The following AHI1 variants were observed in gnomAD, a reference collection of about 807,000 sequenced individuals.
AHI1 encodes the protein Abelson helper integration site 1.
Under a neutral mutation model 149.3 loss-of-function variants are expected in AHI1, and 123 were observed. The observed-to-expected ratio is 0.82, with a 90% CI of 0.71 to 0.96. The LOEUF is 0.96. Among genes scored for constraint, AHI1 ranks in the 40% least tolerant of loss-of-function variants. The pLI is 0.00. For missense variants in AHI1, 1,439 were observed against 1,422.7 expected, an observed-to-expected ratio of 1.01 and a Z score of -0.18; for synonymous variants, 475 against 459.8, an observed-to-expected ratio of 1.03 and a Z score of -0.42.
intron 6 of AHI1, among the ~76,000 whole-genome samples, chr6:135,467,203 C>A (rs971649004): frequency 6.6e-6 from 1 of 152,008 alleles, no homozygotes; most frequent in African/African-American, 2.4e-5. Flanking sequence ...AAACAACTAA[C>A]AAGGAAGAGA....
At chr6:135,362,404 T>G (rs1365398509) in intron 23 of AHI1, among the ~76,000 whole-genome samples, 1 of 152,186 alleles carries the variant, frequency 6.6e-6, no homozygotes, top group Non-Finnish European at 1.5e-5. Context: ...AAAACTGCAG[T>G]AACTTTTGCA....
intron 18 of AHI1, among the ~76,000 whole-genome samples, chr6:135,429,199 A>G (rs1784314347): frequency 1.3e-5 from 2 of 151,586 alleles, no homozygotes; most frequent in Admixed American, 1.3e-4. Context: ...TTGATCTCTG[A>G]AAAAAAATTA....
At chr6:135,344,196 ATTG>A (rs965190651) in intron 24 of AHI1, among the ~76,000 whole-genome samples, 1 of 151,866 alleles carries the variant, frequency 6.6e-6, no homozygotes, top group African/African-American at 2.4e-5. Context: ...TTATTTTCAA[ATTG>A]TTATTTTTTT....
intron 5 of AHI1, among the ~76,000 whole-genome samples, chr6:135,468,159 T>A (rs1791092272): frequency 1.3e-5 from 2 of 152,164 alleles, no homozygotes. Context: ...TAAAATATAT[T>A]TCCAAATTCT....
At chr6:135,335,949 C>T (rs1008858939) in intron 24 of AHI1, among the ~76,000 whole-genome samples, 24 of 151,700 alleles carry the variant, frequency 1.6e-4, no homozygotes, top group African/African-American at 5.1e-4. Context: ...CCCATCTCTA[C>T]TAAAAATAGA....
Position 135,394,844 on chromosome 6 carries a change from G to T in AHI1, c.3041C>A (p.Ser1014Tyr). 6.2e-7 allele frequency: 1 copy of T among 1,606,486 alleles called. No homozygotes were observed. Among genetic ancestry groups the T allele is most frequent in the South Asian group, 1.1e-5 (1 of 89,578 alleles). The change falls in exon 23 of 29, where the codon TCT becomes TAT. Residue 1014 changes from serine (S) to tyrosine (Y), a missense_variant. Coordinates refer to ENST00000265602, the MANE Select transcript of AHI1 (RefSeq NM_001134831.2). ...TSPPAVSSQQ[S>Y]KLKQSNMLTA... ...CAGCATGTTTGACTGCTTTAACTTAGACTGTTGTGAGGAAACTGCTGGTGG... is the reference window on the plus strand; with the variant it reads ...CAGCATGTTTGACTGCTTTAACTTATACTGTTGTGAGGAAACTGCTGGTGG...
chr6:135,300,125 G>A lies in AHI1; in HGVS notation c.3485+375C>T, dbSNP rs192710131. ...GGATCACCTGAGGTCAGGAGTTCAAGACCAGCCTGGCCAACATGGTGAAAC... is the reference window on the plus strand; with the variant it reads ...GGATCACCTGAGGTCAGGAGTTCAAAACCAGCCTGGCCAACATGGTGAAAC... On this transcript the variant is annotated intron_variant, in intron 27 of 28. Coordinates refer to ENST00000265602, the MANE Select transcript of AHI1 (RefSeq NM_001134831.2). 1.6e-3 allele frequency among the ~76,000 whole-genome samples: 247 copies of A among 152,164 alleles called. 2 individuals carry two copies. Among genetic ancestry groups the A allele is most frequent in the African/African-American group, 5.5e-3 (230 of 41,502 alleles).
intron 23 of AHI1, among the ~76,000 whole-genome samples, chr6:135,371,468 G>C (rs1775048338): frequency 6.6e-6 from 1 of 152,144 alleles, no homozygotes; most frequent in South Asian, 2.1e-4. Flanking sequence ...AATTTCACTA[G>C]AGTACGGCTG....
chr6:135,407,206 AC>A (rs1780917724), intron 21 of AHI1, among the ~76,000 whole-genome samples: 1 of 152,154 alleles, frequency 6.6e-6, no homozygotes, highest in Admixed American at 6.5e-5. Flanking sequence ...ACTCACACAT[AC>A]CCCACAAAAA....
At chr6:135,408,260 T>C (rs1390048061) in intron 21 of AHI1, among the ~76,000 whole-genome samples, 1 of 152,120 alleles carries the variant, frequency 6.6e-6, no homozygotes, top group East Asian at 1.9e-4. Context: ...TGCCTGTAGA[T>C]GAAGTTACTT....
chr6:135,373,354 AG>A (rs1204222197), intron 23 of AHI1, among the ~76,000 whole-genome samples: 1 of 152,210 alleles, frequency 6.6e-6, no homozygotes, highest in Non-Finnish European at 1.5e-5. Flanking sequence ...CATACCATAT[AG>A]CTTAGGTGTA....
At chr6:135,439,089 G>C (rs1040933584) in intron 14 of AHI1, among the ~76,000 whole-genome samples, 28 of 152,240 alleles carry the variant, frequency 1.8e-4, no homozygotes, top group African/African-American at 6.7e-4. Context: ...AAGTTTCCAA[G>C]TCTCTGCTTC....
chr6:135,497,422 G>T (rs1293139032), intron 1 of AHI1, among the ~76,000 whole-genome samples, 161 bp downstream of exon 1: 3 of 152,178 alleles, frequency 2.0e-5, no homozygotes, highest in Non-Finnish European at 4.4e-5. Flanking sequence ...CTCAGAAATC[G>T]CATTCCCCCG....
intron 23 of AHI1, among the ~76,000 whole-genome samples, chr6:135,375,466 TGAA>T (rs1293241431): frequency 1.3e-5 from 2 of 152,212 alleles, no homozygotes; most frequent in Non-Finnish European, 2.9e-5. Flanking sequence ...ATACGGTTTA[TGAA>T]GAAGAAGAGA....
intron 26 of AHI1, among the ~76,000 whole-genome samples, chr6:135,312,320 CT>C (rs1475328796): frequency 2.0e-5 from 3 of 152,014 alleles, no homozygotes; most frequent in African/African-American, 7.3e-5. Context: ...CGAGGCCAGC[CT>C]GGCCAAACTA....
intron 5 of AHI1, among the ~76,000 whole-genome samples, chr6:135,470,483 A>G (rs1277532905): frequency 6.6e-6 from 1 of 152,222 alleles, no homozygotes; most frequent in African/African-American, 2.4e-5. Flanking sequence ...CCAAAGGAAT[A>G]TATGTCATTC....
rs1781549212 is a variant in AHI1 at position 135,285,230 on chromosome 6, T to G, written c.*415A>C. 2 of 192,106 alleles carry G rather than the reference T, an allele frequency of 1.0e-5. No homozygotes were observed. Among genetic ancestry groups the G allele is most frequent in the African/African-American group, 4.9e-5 (2 of 40,428 alleles). 11.9% of individuals were successfully genotyped at this position (192,106 alleles called of 1,614,324 possible). On this transcript the variant is annotated 3_prime_UTR_variant, in exon 29 of 29. Transcript: ENST00000265602. ...AAACAGATACTTCATATTCTGGGCATAGCATCACACATACAACCATTACCA... is the reference window on the plus strand; with the variant it reads ...AAACAGATACTTCATATTCTGGGCAGAGCATCACACATACAACCATTACCA...
At chr6:135,304,092 AGTGGC>A (rs1222835844) in intron 26 of AHI1, among the ~76,000 whole-genome samples, 1 of 152,212 alleles carries the variant, frequency 6.6e-6, no homozygotes, top group African/African-American at 2.4e-5. Flanking sequence ...GCTGGAGTGC[AGTGGC>A]GTGATCATAG....
At chr6:135,395,979 A>G (rs1779158766) in intron 22 of AHI1, among the ~76,000 whole-genome samples, 1 of 151,570 alleles carries the variant, frequency 6.6e-6, no homozygotes, top group Admixed American at 6.6e-5. Flanking sequence ...CCTTTATCTG[A>G]TTCATTATTT....
Sources: allele counts gnomAD v4.1 joint callset (sites outside exome capture counted in the v4.1 genomes callset), GRCh38; gene constraint gnomAD v4.1.1; transcripts MANE v1.5; gene names NCBI Gene and HGNC (gene_info 2026-07-23, HGNC 2026-07-21).